CDC42: variants seen among roughly 807,000 people sequenced by gnomAD.
CDC42 encodes cell division control protein 42 homolog.
Under a neutral mutation model 20.8 loss-of-function variants are expected in CDC42, and 1 was observed. The ratio of observed to expected loss-of-function variants is 0.05; its 90% CI spans 0.02 to 0.23. The LOEUF is 0.23. Ranked by LOEUF, CDC42 falls within the 10% of genes least tolerant of loss-of-function variation. CDC42 has a pLI of 1.00. For synonymous variants in CDC42, 72 were observed against 84.8 expected (o/e 0.85, Z 0.83); for missense variants, 49 against 227.9 (o/e 0.21, Z 5.05).
intron 3 of CDC42, among the ~76,000 whole-genome samples, chr1:22,084,335 G>GTTTTTTTTTTTT (rs61584354): frequency 5.0e-5 from 4 of 80,690 alleles, no homozygotes; most frequent in East Asian, 4.2e-4. Context: ...CTTATTTCCT[G>GTTTTTTTTTTTT]TTTTTTTTTT....
intron 1 of CDC42, among the ~76,000 whole-genome samples, chr1:22,066,198 C>G (rs1032487208): frequency 6.6e-6 from 1 of 152,120 alleles, no homozygotes; most frequent in Admixed American, 6.6e-5. Flanking sequence ...GTTGTTCTCT[C>G]AGAGAGCTTA....
intron 1 of CDC42, among the ~76,000 whole-genome samples, chr1:22,076,197 C>T (rs1225482136): frequency 6.6e-6 from 1 of 151,938 alleles, no homozygotes; most frequent in Non-Finnish European, 1.5e-5. Context: ...CGGTGGCTCA[C>T]ACCTGTAATC....
At chr1:22,058,084 G>C (rs993814568) in intron 1 of CDC42, among the ~76,000 whole-genome samples, 1 of 152,108 alleles carries the variant, frequency 6.6e-6, no homozygotes, top group Non-Finnish European at 1.5e-5. Flanking sequence ...AGGGTGTCAG[G>C]CCTCAGGTAT....
At position 22,097,679 on chromosome 1, in the gene CDC42, A is replaced by G. The variant is rs896592645; in HGVS notation, c.*6162A>G. Among the ~76,000 whole-genome samples, 12 of 152,242 alleles carry G rather than the reference A, an allele frequency of 7.9e-5. No homozygotes were observed. The highest frequency in any genetic ancestry group is 2.9e-4 in the African/African-American group (12 of 41,468). Reference sequence around the variant, plus strand: ...ATTTGTGCATTAGAACTAGCTTGGAACAGAATGGGTAAACTTCTGTGAAGT... The same window carrying G: ...ATTTGTGCATTAGAACTAGCTTGGAGCAGAATGGGTAAACTTCTGTGAAGT... On this transcript the variant is annotated 3_prime_UTR_variant, in exon 6 of 6. Transcript: ENST00000656825.
Position 22,069,415 on chromosome 1 carries a change from A to T in CDC42, c.-50-9014A>T, listed in dbSNP as rs189387752. On this transcript the variant is annotated intron_variant, in intron 1 of 5. Transcript: ENST00000656825. ...GGTCTCGAACTCCTGACCTCAAGTG[A>T]TCTGCCCGCCTCAGCTTCCCAAAGT... Among the ~76,000 whole-genome samples the T allele has an allele frequency of 7.3e-5, 11 of 151,712 alleles. No individual in the cohort carries two copies. The East Asian group carries it at 2.1e-3, about 30-fold the overall frequency.
At chr1:22,089,763 T>G (rs1342291625) in intron 5 of CDC42, among the ~76,000 whole-genome samples, 1 of 152,230 alleles carries the variant, frequency 6.6e-6, no homozygotes, top group Non-Finnish European at 1.5e-5. Context: ...AGGTGAAGTT[T>G]TTGGTCAGTT....
intron 5 of CDC42, among the ~76,000 whole-genome samples, chr1:22,091,016 G>A (rs552874412): frequency 4.3e-4 from 66 of 152,260 alleles, no homozygotes; most frequent in African/African-American, 1.6e-3. Flanking sequence ...CCACTGACCC[G>A]TGCCCGTCCT....
rs533499104 is a variant in CDC42 at position 22,099,101 on chromosome 1, G to C, written c.*7584G>C. On this transcript the variant is annotated 3_prime_UTR_variant, in exon 6 of 6. Transcript: ENST00000656825. ...GGAATGTGAACAAAGGAGGGCCCAG[G>C]CATGTTTGCAGAGTGGCTGGGGGCC... Among the ~76,000 whole-genome samples, 39 of 152,328 alleles carry C rather than the reference G, an allele frequency of 2.6e-4. No individual in the cohort carries two copies. Among genetic ancestry groups the C allele is most frequent in the Non-Finnish European group, 4.7e-4 (32 of 68,028 alleles).
chr1:22,053,602 C>T (rs1455192744), intron 1 of CDC42, among the ~76,000 whole-genome samples: 1 of 152,158 alleles, frequency 6.6e-6, no homozygotes, highest in Non-Finnish European at 1.5e-5. Context: ...TTTTCCTCCC[C>T]TTTAAGTCCA....
At chr1:22,060,226 T>C (rs1364204751) in intron 1 of CDC42, among the ~76,000 whole-genome samples, 2 of 151,990 alleles carry the variant, frequency 1.3e-5, no homozygotes, top group East Asian at 3.9e-4. Context: ...TAATCCCAGC[T>C]ACTTGAGAGG....
At chr1:22,081,044 C>A (rs943551137) in intron 2 of CDC42, among the ~76,000 whole-genome samples, 11 of 152,022 alleles carry the variant, frequency 7.2e-5, no homozygotes, top group Non-Finnish European at 1.5e-4. Flanking sequence ...TGGCATGCAC[C>A]TGTAGTCCCA....
At position 22,095,702 on chromosome 1, in the gene CDC42, C is replaced by G. The variant is rs983373749; in HGVS notation, c.*4185C>G. Among the ~76,000 whole-genome samples the G allele has an allele frequency of 6.6e-6, 1 of 152,092 alleles. No individual in the cohort carries two copies. The highest frequency in any genetic ancestry group is 6.5e-5 in the Admixed American group (1 of 15,274). ...TGCCAACGGTAGCTTATTAAAACAG[C>G]ATTTATTTTTCTCATTCATGGGTCA... On this transcript the variant is annotated 3_prime_UTR_variant, in exon 6 of 6. Transcript: ENST00000656825.
Position 22,063,555 on chromosome 1 carries a change from TTAGA to T in CDC42, c.-51+10818_-51+10821del, listed in dbSNP as rs938878111. ...TTTTAGGTCCTAACTTGTGTCCTAA[TTAGA>T]TAGAGAGGGTCTGTTAGGTGCTTGG... On this transcript the variant is annotated intron_variant, in intron 1 of 5. Coordinates refer to ENST00000656825, the MANE Select transcript of CDC42 (RefSeq NM_001791.4). Among the ~76,000 whole-genome samples the T allele has an allele frequency of 1.3e-3, 197 of 152,304 alleles. 2 individuals are homozygous for T. The highest frequency in any genetic ancestry group is 4.6e-3 in the African/African-American group (192 of 41,564).
At position 22,094,522 on chromosome 1, in the gene CDC42, C is replaced by A. The variant is rs1034751994; in HGVS notation, c.*3005C>A. On this transcript the variant is annotated 3_prime_UTR_variant, in exon 6 of 6. Transcript: ENST00000656825. ...CCGTGTTAGCCAGAATGGTCTCGAT[C>A]TCCTGACCTCGTGATCCGCCCGCCT... Among the ~76,000 whole-genome samples, 1 of 147,730 alleles carries A rather than the reference C, an allele frequency of 6.8e-6. No individual in the cohort carries two copies. The highest frequency in any genetic ancestry group is 2.6e-5 in the African/African-American group (1 of 37,892).
At chr1:22,085,249 G>GAA (rs150816607) in intron 3 of CDC42, among the ~76,000 whole-genome samples, 44 of 75,590 alleles carry the variant, frequency 5.8e-4, no homozygotes, top group Admixed American at 1.1e-3. Context: ...AAAAAAAAAA[G>GAA]AAAAATCATT....
intron 1 of CDC42, among the ~76,000 whole-genome samples, chr1:22,076,981 T>TA (rs1343724634): frequency 6.6e-6 from 1 of 151,720 alleles, no homozygotes; most frequent in Admixed American, 6.6e-5. Context: ...ACCCGTCTCT[T>TA]AAAAAAACAA....
At chr1:22,067,192 C>T (rs1645433889) in intron 1 of CDC42, among the ~76,000 whole-genome samples, 1 of 152,164 alleles carries the variant, frequency 6.6e-6, no homozygotes. Flanking sequence ...TTTAACAATA[C>T]CATAGACTGG....
At chr1:22,054,914 TATATATA>T (rs1335998041) in intron 1 of CDC42, among the ~76,000 whole-genome samples, 1,393 of 17,420 alleles carry the variant, frequency 0.08, 19 homozygotes, top group East Asian at 0.17. Context: ...TATATATATA[TATATATA>T]TTTTTTTTTT....
intron 5 of CDC42, among the ~76,000 whole-genome samples, chr1:22,091,140 G>T (rs1188521614): frequency 6.6e-6 from 1 of 152,212 alleles, no homozygotes; most frequent in Non-Finnish European, 1.5e-5. Flanking sequence ...ATGAGCAAAT[G>T]ACACATGTGC....
Sources: gnomAD v4.1 joint callset for allele counts (sites outside exome capture counted in the v4.1 genomes callset) on GRCh38, gnomAD v4.1.1 for gene constraint, MANE v1.5 for transcripts, NCBI Gene and HGNC (gene_info 2026-07-23, HGNC 2026-07-21) for gene names.